Variants in EFCAB11 observed in about 807,000 individuals in gnomAD.
EFCAB11 encodes EF-hand calcium binding domain 11, also known as EF-hand calcium-binding domain-containing protein 11.
In EFCAB11, 14 loss-of-function variants were observed where a neutral mutation model predicts 23.0. The ratio of observed to expected loss-of-function variants is 0.61; its 90% CI spans 0.40 to 0.95. The LOEUF is 0.95. Ranked by LOEUF, EFCAB11 falls within the 40% of genes least tolerant of loss-of-function variation. The pLI is 0.00. For missense variants in EFCAB11, 198 were observed against 195.8 expected, an observed-to-expected ratio of 1.01 and a Z score of -0.07; for synonymous variants, 65 against 66.6, an observed-to-expected ratio of 0.98 and a Z score of 0.11.
intron 5 of EFCAB11, among the ~76,000 whole-genome samples, chr14:89,846,711 C>T (rs1469798071): frequency 6.6e-6 from 1 of 152,196 alleles, no homozygotes; most frequent in Non-Finnish European, 1.5e-5. Context: ...GGCCCCTCTA[C>T]ATTCTCTAAG....
intron 3 of EFCAB11, among the ~76,000 whole-genome samples, chr14:89,947,593 A>G (rs1363120922): frequency 1.3e-5 from 2 of 152,356 alleles, no homozygotes; most frequent in East Asian, 3.9e-4. Context: ...GATACTCATC[A>G]GTTATGCCAC....
chr14:89,924,500 T>G (rs552951600), intron 5 of EFCAB11: 2 of 1,422,260 alleles, frequency 1.4e-6, no homozygotes, highest in South Asian at 1.5e-5. Flanking sequence ...AATGTACAAA[T>G]AGCAGTGCTT....
chr14:89,864,868 G>A (rs567373511), intron 5 of EFCAB11, among the ~76,000 whole-genome samples: 1 of 152,336 alleles, frequency 6.6e-6, no homozygotes, highest in East Asian at 1.9e-4. Flanking sequence ...GGGTCCCTGT[G>A]ATTTGGGAGA....
chr14:89,951,532 T>G (rs1891165693), intron 2 of EFCAB11, among the ~76,000 whole-genome samples: 1 of 152,162 alleles, frequency 6.6e-6, no homozygotes. Flanking sequence ...CTGAACTGCT[T>G]CGAAGTAGAG....
chr14:89,949,258 C>T (rs531198613), intron 3 of EFCAB11, among the ~76,000 whole-genome samples: 1 of 151,896 alleles, frequency 6.6e-6, no homozygotes, highest in Admixed American at 6.6e-5. Flanking sequence ...TATATATACA[C>T]CTACAAAAAT....
intron 5 of EFCAB11, among the ~76,000 whole-genome samples, chr14:89,825,456 A>T (rs959915627): frequency 6.6e-6 from 1 of 152,148 alleles, no homozygotes; most frequent in Non-Finnish European, 1.5e-5. Flanking sequence ...TAAAATAACT[A>T]TAAGAAATAA....
At chr14:89,906,921 CTA>C (rs1889517954) in intron 5 of EFCAB11, among the ~76,000 whole-genome samples, 1 of 152,086 alleles carries the variant, frequency 6.6e-6, no homozygotes, top group African/African-American at 2.4e-5. Context: ...TTTTTCTTCT[CTA>C]TTTCTTACCA....
At chr14:89,883,205 C>G (rs893949039) in intron 5 of EFCAB11, among the ~76,000 whole-genome samples, 2 of 152,092 alleles carry the variant, frequency 1.3e-5, no homozygotes, top group African/African-American at 4.8e-5. Flanking sequence ...CACAAATGGA[C>G]TAAGATAGTT....
intron 5 of EFCAB11, among the ~76,000 whole-genome samples, chr14:89,819,966 T>C (rs909003919): frequency 6.6e-6 from 1 of 152,194 alleles, no homozygotes; most frequent in Non-Finnish European, 1.5e-5. Context: ...AATCCAACAA[T>C]AGGAATATGA....
chr14:89,931,581 C>T lies in EFCAB11; in HGVS notation c.370G>A (p.Ala124Thr). The T allele has an allele frequency of 6.2e-7, 1 of 1,614,084 alleles. No individual in the cohort carries two copies. The highest frequency in any genetic ancestry group is 8.5e-7 in the Non-Finnish European group (1 of 1,180,002). The change falls in exon 5 of 6, where the codon GCT (alanine) becomes ACT (threonine). Residue 124 changes from alanine to threonine, a missense_variant. Transcript: ENST00000316738. ...ACAGTCCTTTCCGGTAATTTGGGAG[C>T]CACCTGCCTAAATGCTTTTTTGAAA... ...EDFKKAFRQVAPKLPERTVLE... is the reference protein window; with the variant it reads ...EDFKKAFRQVTPKLPERTVLE...
chr14:89,804,643 G>C (rs1028598689), intron 5 of EFCAB11, among the ~76,000 whole-genome samples: 2 of 152,170 alleles, frequency 1.3e-5, no homozygotes, highest in Middle Eastern at 6.3e-3. Flanking sequence ...ACTTCACACA[G>C]AGCATTTAAA....
intron 5 of EFCAB11, among the ~76,000 whole-genome samples, chr14:89,821,116 C>T (rs1441186461): frequency 2.0e-5 from 3 of 152,072 alleles, no homozygotes; most frequent in African/African-American, 7.2e-5. Flanking sequence ...CCTGCCTTGG[C>T]CTCCCAAAGT....
At chr14:89,850,966 G>A (rs1216371651) in intron 5 of EFCAB11, among the ~76,000 whole-genome samples, 1 of 152,154 alleles carries the variant, frequency 6.6e-6, no homozygotes, top group Non-Finnish European at 1.5e-5. Context: ...CATCAATTTA[G>A]TGGGAAGCCT....
chr14:89,941,691 T>C (rs757505839), intron 3 of EFCAB11, among the ~76,000 whole-genome samples: 4 of 151,512 alleles, frequency 2.6e-5, no homozygotes, highest in Non-Finnish European at 5.9e-5. Flanking sequence ...GCTGGGAATA[T>C]AGGTGCATAC....
intron 2 of EFCAB11, among the ~76,000 whole-genome samples, chr14:89,951,756 A>C (rs8013022): frequency 0.11 from 16,815 of 147,042 alleles, 1,839 homozygotes; most frequent in African/African-American, 0.3. Flanking sequence ...TAAAAACACA[A>C]AAAAAAAAAA....
intron 5 of EFCAB11, among the ~76,000 whole-genome samples, chr14:89,826,937 G>A (rs1886709862): frequency 6.6e-6 from 1 of 152,166 alleles, no homozygotes; most frequent in East Asian, 1.9e-4. Context: ...GCTCAGCACT[G>A]CATTTTGGGC....
chr14:89,930,411 G>A (rs1038741357), intron 5 of EFCAB11, among the ~76,000 whole-genome samples: 4 of 152,236 alleles, frequency 2.6e-5, no homozygotes, highest in South Asian at 2.1e-4. Context: ...ACCTCTATTC[G>A]TGGGCACATC....
intron 5 of EFCAB11, among the ~76,000 whole-genome samples, chr14:89,904,607 T>G (rs777404636): frequency 6.6e-6 from 1 of 152,208 alleles, no homozygotes; most frequent in Non-Finnish European, 1.5e-5. Flanking sequence ...GTAAAATTGC[T>G]CCTATTTCTC....
At chr14:89,886,702 T>C (rs1888796749) in intron 5 of EFCAB11, among the ~76,000 whole-genome samples, 1 of 152,124 alleles carries the variant, frequency 6.6e-6, no homozygotes, top group Non-Finnish European at 1.5e-5. Context: ...TTATTCTCCA[T>C]ACTTTTCTAT....
Sources: gnomAD v4.1 joint callset for allele counts (sites outside exome capture counted in the v4.1 genomes callset) on GRCh38, gnomAD v4.1.1 for gene constraint, MANE v1.5 for transcripts, NCBI Gene and HGNC (gene_info 2026-07-23, HGNC 2026-07-21) for gene names.